ADCY2: variants seen among roughly 807,000 people sequenced by gnomAD.
The protein encoded by ADCY2 is adenylate cyclase 2.
In ADCY2, 31 loss-of-function variants were observed where a neutral mutation model predicts 125.2. That is an observed-to-expected ratio of 0.25 (90% CI 0.19 to 0.33). The LOEUF is 0.33. ADCY2 is among the 10% of genes least tolerant of loss of function. The pLI is 1.00. For synonymous variants in ADCY2, 512 were observed against 548.4 expected, an observed-to-expected ratio of 0.93 and a Z score of 0.93; for missense variants, 904 against 1,418.2, an observed-to-expected ratio of 0.64 and a Z score of 5.82.
chr5:7,606,877 T>C (rs1737395016), intron 3 of ADCY2, among the ~76,000 whole-genome samples: 1 of 152,192 alleles, frequency 6.6e-6, no homozygotes, highest in South Asian at 2.1e-4. Context: ...GGAAAATCTA[T>C]CCTCCCAAGA....
intron 1 of ADCY2, among the ~76,000 whole-genome samples, chr5:7,405,859 CATTT>C (rs1310323556): frequency 6.6e-6 from 1 of 152,040 alleles, no homozygotes; most frequent in African/African-American, 2.4e-5. Context: ...AGTTTATTCC[CATTT>C]ATTTATTTAT....
At position 7,682,979 on chromosome 5, in the gene ADCY2, G is replaced by T. The variant is rs144631104; in HGVS notation, c.721-7712G>T. ...ATTTTGGAGGAAGAAATGCACATTA[G>T]TACAAAGTTGTCCCTGTACTCGGTG... is the stretch of plus-strand genomic sequence containing the variant. On this transcript the variant is annotated intron_variant, in intron 4 of 24. Coordinates refer to ENST00000338316, the MANE Select transcript of ADCY2 (RefSeq NM_020546.3). Among the ~76,000 whole-genome samples, 620 of 152,322 alleles carry T rather than the reference G, an allele frequency of 4.1e-3. 4 individuals carry two copies. The highest frequency in any genetic ancestry group is 5.8e-3 in the Non-Finnish European group (394 of 68,032).
intron 19 of ADCY2, among the ~76,000 whole-genome samples, chr5:7,788,539 T>C (rs988699731): frequency 6.6e-6 from 1 of 152,154 alleles, no homozygotes; most frequent in Non-Finnish European, 1.5e-5. Context: ...CCTTGCTATA[T>C]GAGATAAACA....
chr5:7,696,254 C>T lies in ADCY2; in HGVS notation c.981+391C>T, dbSNP rs1415459467. The stretch of plus-strand genomic sequence containing the variant: ...TTCCACTCCTCTAGTTGCCAACATC[C>T]TCTATTCCTATTGTTAAGCAGGACC... On this transcript the variant is annotated intron_variant, in intron 6 of 24. Transcript: ENST00000338316. Among the ~76,000 whole-genome samples, 7 of 152,266 alleles carry T rather than the reference C, an allele frequency of 4.6e-5. No homozygotes were observed. The South Asian group carries it at 8.3e-4, about 18-fold the overall frequency.
rs543718041 is a variant in ADCY2, at chr5:7,820,451, G to T, written c.2999-114G>T. ...GAAGGTTGCAGTCAGCCAAGATTGC[G>T]CCACTGCACTCCAGCCTGGGTGACA... On this transcript the variant is annotated intron_variant, in intron 23 of 24. Transcript: ENST00000338316. The T allele has an allele frequency of 3.4e-5, 46 of 1,338,166 alleles. No homozygotes were observed. The East Asian group carries it at 6.7e-4, about 19-fold the overall frequency. 82.9% of individuals were successfully genotyped at this position (1,338,166 alleles called of 1,614,324 possible).
chr5:7,518,422 T>C (rs1339728234), intron 2 of ADCY2, among the ~76,000 whole-genome samples: 2 of 152,206 alleles, frequency 1.3e-5, no homozygotes, highest in African/African-American at 4.8e-5. Flanking sequence ...TCTAAGACAA[T>C]ACTTTTTGCC....
chr5:7,438,685 C>T lies in ADCY2; in HGVS notation c.408+23915C>T, dbSNP rs1740899942. Among the ~76,000 whole-genome samples, 9 of 152,212 alleles carry T rather than the reference C, an allele frequency of 5.9e-5. No homozygotes were observed. The South Asian group carries it at 1.9e-3, about 32-fold the overall frequency. On this transcript the variant is annotated intron_variant, in intron 2 of 24. Coordinates refer to ENST00000338316, the MANE Select transcript of ADCY2 (RefSeq NM_020546.3). ...TAATTTCTTTGAGCCTCAGTTTCTT[C>T]ATGTGTAAAATGGGTATAATGAAAC...
chr5:7,711,748 C>G (rs1327498235), intron 10 of ADCY2, among the ~76,000 whole-genome samples: 1 of 152,118 alleles, frequency 6.6e-6, no homozygotes, highest in Admixed American at 6.6e-5. Flanking sequence ...ATCAAAGGAC[C>G]TCTTGAACGA....
chr5:7,413,616 A>G (rs1054885268), intron 1 of ADCY2, among the ~76,000 whole-genome samples: 2 of 151,024 alleles, frequency 1.3e-5, no homozygotes, highest in African/African-American at 4.9e-5. Flanking sequence ...TTTTTAATAG[A>G]AGTGTCTGTG....
chr5:7,597,543 G>C (rs1356673872), intron 3 of ADCY2, among the ~76,000 whole-genome samples: 1 of 152,256 alleles, frequency 6.6e-6, no homozygotes, highest in Admixed American at 6.5e-5. Flanking sequence ...GGGAGGCCAA[G>C]GTGGGTGGAT....
chr5:7,468,848 T>C (rs1742226172), intron 2 of ADCY2, among the ~76,000 whole-genome samples: 1 of 152,174 alleles, frequency 6.6e-6, no homozygotes, highest in Non-Finnish European at 1.5e-5. Flanking sequence ...ACTGTTTAAA[T>C]AAATAACACC....
intron 3 of ADCY2, among the ~76,000 whole-genome samples, chr5:7,537,836 A>G (rs1395885341): frequency 6.6e-6 from 1 of 152,156 alleles, no homozygotes. Flanking sequence ...AGCTCTGCAG[A>G]TGCTGGGCTC....
intron 2 of ADCY2, among the ~76,000 whole-genome samples, chr5:7,520,390 C>G (rs1383086431): frequency 6.6e-6 from 1 of 152,164 alleles, no homozygotes; most frequent in Non-Finnish European, 1.5e-5. Context: ...GTGGGTCTCC[C>G]TTTGCAGTTT....
Position 7,802,341 on chromosome 5 carries a change from G to A in ADCY2, c.2752G>A (p.Glu918Lys), listed in dbSNP as rs1744622555. ...CTTGGAATGCCTTCGGCTCCTGAAC[G>A]AGATCATCGCTGACTTTGATGATGT... ...EGLECLRLLNEIIADFDDLLS... is the reference protein window; with the variant it reads ...EGLECLRLLNKIIADFDDLLS... The change falls in exon 21 of 25, where the codon GAG becomes AAG. Residue 918 changes from glutamate (E) to lysine (K), a missense_variant. Physicochemically the swap from Glu to Lys is moderately conservative, Grantham distance 56 (BLOSUM62 1). This residue lies in a region of ADCY2 where 181 missense variants were observed against 381.6 expected (regional missense o/e 0.47). Transcript: ENST00000338316. This position sits in a 1 kb window ranked among gnomAD's most constrained non-coding sequence, Gnocchi z 4.6. 1 of 1,614,030 alleles carries A rather than the reference G, an allele frequency of 6.2e-7. No homozygotes were observed. The highest frequency in any genetic ancestry group is 1.7e-5 in the Admixed American group (1 of 59,992).
At chr5:7,652,091 C>T (rs540362635) in intron 4 of ADCY2, among the ~76,000 whole-genome samples, 2 of 152,246 alleles carry the variant, frequency 1.3e-5, no homozygotes, top group East Asian at 1.9e-4. Flanking sequence ...CGTGAGCCCC[C>T]GCACCTGGCC....
chr5:7,792,626 C>G (rs1744288335), intron 20 of ADCY2, among the ~76,000 whole-genome samples: 2 of 152,318 alleles, frequency 1.3e-5, no homozygotes, highest in South Asian at 4.2e-4. Context: ...TCTCTCTGCT[C>G]TTTCCTGTTT....
At position 7,828,135 on chromosome 5, in the gene ADCY2, A is replaced by G. The variant is rs1403932608; in HGVS notation, c.*1264A>G. The G allele has an allele frequency of 6.5e-6, 1 of 152,844 alleles. No homozygotes were observed. The highest frequency in any genetic ancestry group is 2.4e-5 in the African/African-American group (1 of 41,474). The allele number at this position is 152,844 out of a possible 1,614,324, so 9.5% of individuals were successfully genotyped here. Reference sequence around the variant, plus strand: ...AACATAAAGAAATCATACTTTGCCAAATAGTGAAAAGTAGAGCAATCGTGT... The same window carrying G: ...AACATAAAGAAATCATACTTTGCCAGATAGTGAAAAGTAGAGCAATCGTGT... On this transcript the variant is annotated 3_prime_UTR_variant, in exon 25 of 25. Transcript: ENST00000338316.
At chr5:7,556,964 C>T (rs1214735408) in intron 3 of ADCY2, among the ~76,000 whole-genome samples, 1 of 151,892 alleles carries the variant, frequency 6.6e-6, no homozygotes, top group Non-Finnish European at 1.5e-5. Context: ...ACCCAAAGAG[C>T]ACCAACTACA....
rs1370933171 is a variant in ADCY2, at chr5:7,773,065, A to T, written c.2348A>T (p.His783Leu). 1.9e-6 allele frequency: 3 copies of T among 1,613,998 alleles called. No individual in the cohort carries two copies. The African/African-American group carries it at 4.0e-5, about 22-fold the overall frequency. ...YNTILLHTHA[H>L]VLGDYSQVLF... ...ACCATCCTACTCCACACCCACGCCC[A>T]CGTCCTGGGCGACTACAGCCAGGTC... The change falls in exon 18 of 25, where the codon CAC (histidine) becomes CTC (leucine). Residue 783 changes from histidine (H) to leucine (L), a missense_variant. Physicochemically the swap from His to Leu is moderately conservative, Grantham distance 99 (BLOSUM62 -3). This residue lies in a region of ADCY2 where 221 missense variants were observed against 246.2 expected (regional missense o/e 0.90). Coordinates refer to ENST00000338316, the MANE Select transcript of ADCY2 (RefSeq NM_020546.3).
Sources: gnomAD v4.1 joint callset for allele counts (sites outside exome capture counted in the v4.1 genomes callset) on GRCh38, gnomAD v4.1.1 for gene constraint, gnomAD v4.1.1 regional missense constraint, Gnocchi (gnomAD v3.1) non-coding constraint, MANE v1.5 for transcripts, NCBI Gene and HGNC (gene_info 2026-07-23, HGNC 2026-07-21) for gene names.